Variants in ATP10A observed in about 807,000 individuals in gnomAD.
ATP10A encodes phospholipid-transporting ATPase VA.
A neutral mutation model predicts 147.8 loss-of-function variants in ATP10A; 111 were observed. The observed-to-expected ratio is 0.75, with a 90% CI of 0.64 to 0.88. The LOEUF is 0.88. ATP10A is among the 40% of genes least tolerant of loss of function. ATP10A has a pLI of 0.00. For synonymous variants in ATP10A, 875 were observed against 841.6 expected (o/e 1.04, Z -0.69); for missense variants, 1,927 against 1,959.0 (o/e 0.98, Z 0.31).
chr15:25,702,869 T>A (rs557000376), intron 12 of ATP10A, among the ~76,000 whole-genome samples: 1 of 152,014 alleles, frequency 6.6e-6, no homozygotes, highest in African/African-American at 2.4e-5. Context: ...CTGAGGCTCC[T>A]TTACTGCGCT....
At position 25,680,295 on chromosome 15, in the gene ATP10A, C is replaced by T. The variant is rs771107468; in HGVS notation, c.3692G>A (p.Trp1231Ter). ...IETKTWTWLN[W>*]ITCGFSVLLF... The stretch of plus-strand genomic sequence containing the variant: ...AAGGACACTGAAGCCACACGTTATC[C>T]AGTTGAGCCAGGTCTGAGGGGGAAT... Residue 1231 changes from tryptophan (W) to a stop codon, truncating the protein, a stop_gained, in exon 20 of 21, where the codon TGG (tryptophan) becomes TAG (stop). Transcript: ENST00000555815. LOFTEE classifies it high-confidence loss of function. The T allele has an allele frequency of 1.2e-6, 2 of 1,614,160 alleles. No homozygotes were observed. Among genetic ancestry groups the T allele is most frequent in the Non-Finnish European group, 1.7e-6 (2 of 1,179,996 alleles).
chr15:25,676,342 C>T (rs2140262937), downstream of ATP10A, among the ~76,000 whole-genome samples: 1 of 152,368 alleles, frequency 6.6e-6, no homozygotes, highest in Middle Eastern at 3.4e-3. Context: ...CTTTGCACCT[C>T]TCCCCGCGCC....
chr15:25,703,923 C>T (rs1900819511), intron 12 of ATP10A, among the ~76,000 whole-genome samples: 1 of 152,250 alleles, frequency 6.6e-6, no homozygotes, highest in South Asian at 2.1e-4. Context: ...CTGCACACTG[C>T]TCTGAACCTT....
intron 5 of ATP10A, 89 bp downstream of exon 5, chr15:25,725,862 C>T (rs1902509419): frequency 7.0e-7 from 1 of 1,428,204 alleles, no homozygotes; most frequent in Admixed American, 2.0e-5. Flanking sequence ...AAGTGATCTG[C>T]CCGCCTCGGC....
intron 2 of ATP10A, among the ~76,000 whole-genome samples, chr15:25,757,070 G>A (rs1010674657): frequency 4.6e-5 from 7 of 152,144 alleles, no homozygotes; most frequent in African/African-American, 1.4e-4. Context: ...AAACCTTCAA[G>A]TGAAATTAAG....
At chr15:25,769,957 T>A (rs888958516) in intron 2 of ATP10A, among the ~76,000 whole-genome samples, 4 of 152,062 alleles carry the variant, frequency 2.6e-5, no homozygotes, top group Non-Finnish European at 1.5e-5. Flanking sequence ...AACACAGACA[T>A]ACACAGAGGG....
chr15:25,697,773 G>A (rs933142658), intron 13 of ATP10A, among the ~76,000 whole-genome samples: 1 of 152,158 alleles, frequency 6.6e-6, no homozygotes, highest in African/African-American at 2.4e-5. Flanking sequence ...ATTCAGTATG[G>A]GAAGAGGCAA....
chr15:25,778,999 C>A (rs566498995), intron 2 of ATP10A, among the ~76,000 whole-genome samples: 1 of 152,282 alleles, frequency 6.6e-6, no homozygotes, highest in Admixed American at 6.5e-5. Flanking sequence ...GCCTCAGCCT[C>A]CCGAGTAGCT....
intron 1 of ATP10A, among the ~76,000 whole-genome samples, chr15:25,801,679 T>C (rs1305196690): frequency 3.9e-5 from 6 of 152,174 alleles, no homozygotes; most frequent in Admixed American, 6.5e-5. Context: ...TTTCCAGCTT[T>C]CTCAAGCCCC....
chr15:25,795,507 G>C (rs1361462025), intron 1 of ATP10A, among the ~76,000 whole-genome samples: 1 of 152,176 alleles, frequency 6.6e-6, no homozygotes, highest in Non-Finnish European at 1.5e-5. Flanking sequence ...TTGGATTTCT[G>C]ATGAAGGGAA....
intron 10 of ATP10A, among the ~76,000 whole-genome samples, chr15:25,712,117 C>T (rs764671307): frequency 1.3e-5 from 2 of 152,078 alleles, no homozygotes; most frequent in Non-Finnish European, 2.9e-5. Flanking sequence ...CAGGTCGTGA[C>T]GCTAAATTCA....
At position 25,691,795 on chromosome 15, in the gene ATP10A, GA is replaced by G. The variant is rs1274837351; in HGVS notation, c.3089-5del. The stretch of plus-strand genomic sequence containing the variant: ...CTGACATCATTGGCTCCATCACCTA[GA>G]AACAGCACAGGCAAGAAGAATTGTT... On this transcript the variant is annotated splice_region_variant and splice_polypyrimidine_tract_variant and intron_variant, in intron 14 of 20. Coordinates refer to ENST00000555815, the MANE Select transcript of ATP10A (RefSeq NM_024490.4). 1 of 1,614,010 alleles carries G rather than the reference GA, an allele frequency of 6.2e-7. No homozygotes were observed. The highest frequency in any genetic ancestry group is 2.2e-5 in the East Asian group (1 of 44,880).
chr15:25,766,185 C>T (rs1171468816), intron 2 of ATP10A, among the ~76,000 whole-genome samples: 1 of 152,108 alleles, frequency 6.6e-6, no homozygotes, highest in Non-Finnish European at 1.5e-5. Flanking sequence ...GAGAATAGCA[C>T]AAGAAAGACC....
Position 25,721,636 on chromosome 15 carries a change from G to T in ATP10A, c.1363+21C>A, listed in dbSNP as rs111480046. 6.0e-5 allele frequency: 97 copies of T among 1,604,206 alleles called. No homozygotes were observed. The South Asian group carries it at 1.0e-3, about 17-fold the overall frequency. On this transcript the variant is annotated intron_variant, in intron 7 of 20. Transcript: ENST00000555815. ...CTTTCTGGTTCAGCCTGGGTTGGGA[G>T]CCCCGCACCCCCAGACTCACCATTT...
intron 2 of ATP10A, among the ~76,000 whole-genome samples, chr15:25,770,460 A>G (rs542015100): frequency 6.6e-6 from 1 of 152,274 alleles, no homozygotes; most frequent in South Asian, 2.1e-4. Context: ...CCTTTGCTAA[A>G]TGGGAGTAAT....
intron 1 of ATP10A, among the ~76,000 whole-genome samples, chr15:25,844,605 C>G (rs544364333): frequency 6.6e-6 from 1 of 152,126 alleles, no homozygotes; most frequent in Non-Finnish European, 1.5e-5. Context: ...CAGGGTGCAG[C>G]CCCCCAACCT....
At chr15:25,745,410 AT>A (rs1887796101) in intron 2 of ATP10A, among the ~76,000 whole-genome samples, 1 of 152,008 alleles carries the variant, frequency 6.6e-6, no homozygotes, top group African/African-American at 2.4e-5. Context: ...ACTAAAGAAA[AT>A]ACTAAACAGT....
chr15:25,785,513 C>A (rs1398637885), intron 1 of ATP10A, among the ~76,000 whole-genome samples: 1 of 152,200 alleles, frequency 6.6e-6, no homozygotes, highest in Non-Finnish European at 1.5e-5. Context: ...CACTTAATAA[C>A]GTCCATTCTC....
Position 25,797,240 on chromosome 15 carries a change from A to G in ATP10A, c.450-16017T>C, listed in dbSNP as rs1398207469. Reference sequence around the variant, plus strand: ...GTGTTTGTCTCTGTGTGGCTGGCTTATTTCACTGAACATAATGTTCTCCAG... The same window carrying G: ...GTGTTTGTCTCTGTGTGGCTGGCTTGTTTCACTGAACATAATGTTCTCCAG... On this transcript the variant is annotated intron_variant, in intron 1 of 20. Transcript: ENST00000555815. 2.6e-5 allele frequency among the ~76,000 whole-genome samples: 4 copies of G among 152,116 alleles called. 1 individual carries two copies. In the South Asian group the frequency reaches 8.3e-4, roughly 32 times the overall value.
Sources: allele counts gnomAD v4.1 joint callset (sites outside exome capture counted in the v4.1 genomes callset), GRCh38; gene constraint gnomAD v4.1.1; transcripts MANE v1.5; gene names NCBI Gene and HGNC (gene_info 2026-07-23, HGNC 2026-07-21).